Variants in KCNMB2 observed in about 807,000 individuals in gnomAD.
The protein encoded by KCNMB2 is calcium-activated potassium channel subunit beta-2.
In KCNMB2, 9 loss-of-function variants were observed where a neutral mutation model predicts 24.5. The ratio of observed to expected loss-of-function variants is 0.37; its 90% CI spans 0.22 to 0.64. The LOEUF (loss-of-function observed/expected upper bound fraction) is 0.64. Among genes scored for constraint, KCNMB2 ranks in the 30% least tolerant of loss-of-function variants. The pLI, the probability that KCNMB2 is intolerant of heterozygous loss-of-function variation, is 0.63. For missense variants in KCNMB2, 226 were observed against 284.3 expected, an observed-to-expected ratio of 0.79 and a Z score of 1.47; for synonymous variants, 109 against 104.4, an observed-to-expected ratio of 1.04 and a Z score of -0.27.
At chr3:178,561,480 C>T (rs1412757187) in intron 1 of KCNMB2, among the ~76,000 whole-genome samples, 4 of 152,116 alleles carry the variant, frequency 2.6e-5, no homozygotes, top group African/African-American at 7.2e-5. Context: ...AATGGCTCTA[C>T]GACTCTCAGT....
chr3:178,618,853 T>C (rs1352981534), intron 1 of KCNMB2, among the ~76,000 whole-genome samples: 1 of 152,248 alleles, frequency 6.6e-6, no homozygotes, highest in Non-Finnish European at 1.5e-5. Context: ...GTGTATGTTC[T>C]ATGTGCCAAG....
intron 1 of KCNMB2, among the ~76,000 whole-genome samples, chr3:178,589,161 GT>G (rs1717569480): frequency 6.6e-6 from 1 of 152,174 alleles, no homozygotes; most frequent in Non-Finnish European, 1.5e-5. Context: ...AATGTAATGG[GT>G]TTTTACCCCA....
rs764083965 is a variant in KCNMB2 at position 178,838,786 on chromosome 3, C to G, written c.424-3867C>G. Among the ~76,000 whole-genome samples the G allele has an allele frequency of 5.9e-4, 90 of 152,136 alleles. 1 individual carries two copies. The highest frequency in any genetic ancestry group is 3.3e-4 in the Admixed American group (5 of 15,262). On this transcript the variant is annotated intron_variant, in intron 4 of 4. Coordinates refer to ENST00000452583, the MANE Select transcript of KCNMB2 (RefSeq NM_181361.3). ...ACCCGCTTCCTTATCTGTGTCTCTG[C>G]ATATAGTCATGGAGGTTGTGCATTG...
chr3:178,595,874 C>A (rs544627887), intron 1 of KCNMB2, among the ~76,000 whole-genome samples: 34 of 152,180 alleles, frequency 2.2e-4, no homozygotes, highest in African/African-American at 7.9e-4. Context: ...AGATTGAAGA[C>A]TAAGGAAATA....
At position 178,842,640 on chromosome 3, in the gene KCNMB2, T is replaced by C. The variant is rs559517850; in HGVS notation, c.424-13T>C. ...TAGTATCTTCTAGTAACAGTTTATC[T>C]TATTCTCCACAGTGCTCCTATATAC... On this transcript the variant is annotated splice_polypyrimidine_tract_variant and intron_variant, in intron 4 of 4. Transcript: ENST00000452583. 1.3e-6 allele frequency: 2 copies of C among 1,563,306 alleles called. No homozygotes were observed. Among genetic ancestry groups the C allele is most frequent in the African/African-American group, 1.4e-5 (1 of 73,896 alleles).
chr3:178,698,338 T>C (rs910889502), intron 1 of KCNMB2, among the ~76,000 whole-genome samples: 4 of 134,624 alleles, frequency 3.0e-5, no homozygotes, highest in Admixed American at 7.1e-5. Flanking sequence ...CTTTTCTCTA[T>C]TCTTGTCTGC....
chr3:178,719,480 C>T (rs1722725186), intron 1 of KCNMB2, among the ~76,000 whole-genome samples: 1 of 152,172 alleles, frequency 6.6e-6, no homozygotes, highest in South Asian at 2.1e-4. Flanking sequence ...AGTGATTAAC[C>T]CTGTTATCAG....
chr3:178,741,805 G>A (rs1338469819), intron 1 of KCNMB2, among the ~76,000 whole-genome samples: 1 of 152,136 alleles, frequency 6.6e-6, no homozygotes, highest in African/African-American at 2.4e-5. Flanking sequence ...GGATGAACTT[G>A]CCCTTATGAA....
At chr3:178,800,631 A>G (rs2108447346) in intron 1 of KCNMB2, among the ~76,000 whole-genome samples, 1 of 152,256 alleles carries the variant, frequency 6.6e-6, no homozygotes, top group East Asian at 1.9e-4. Flanking sequence ...TTTCCTCAAA[A>G]AAATATAAAT....
At chr3:178,643,147 G>C (rs1346891645) in intron 1 of KCNMB2, among the ~76,000 whole-genome samples, 1 of 152,186 alleles carries the variant, frequency 6.6e-6, no homozygotes, top group African/African-American at 2.4e-5. Context: ...AATGAAAATA[G>C]CCAATCTCAA....
chr3:178,694,942 G>A (rs1210792625), intron 1 of KCNMB2, among the ~76,000 whole-genome samples: 2 of 152,252 alleles, frequency 1.3e-5, no homozygotes, highest in East Asian at 3.9e-4. Flanking sequence ...GGAACTCTGT[G>A]TGGTGGCTCC....
chr3:178,617,248 T>TA (rs1203461682), intron 1 of KCNMB2, among the ~76,000 whole-genome samples: 1 of 152,112 alleles, frequency 6.6e-6, no homozygotes, highest in East Asian at 1.9e-4. Context: ...TGTTACCATC[T>TA]AAAAAAATTA....
chr3:178,566,559 C>T (rs893464748), intron 1 of KCNMB2, among the ~76,000 whole-genome samples: 32 of 151,226 alleles, frequency 2.1e-4, no homozygotes, highest in African/African-American at 7.8e-4. Context: ...GTTAGTCTAC[C>T]TAGCCATTAC....
chr3:178,580,910 A>G (rs1717175719), intron 1 of KCNMB2, among the ~76,000 whole-genome samples: 1 of 152,238 alleles, frequency 6.6e-6, no homozygotes, highest in African/African-American at 2.4e-5. Context: ...CATGGATAGG[A>G]AGAATCAATA....
At position 178,756,083 on chromosome 3, in the gene KCNMB2, G is replaced by A. The variant is rs1160819425; in HGVS notation, c.-67-51260G>A. On this transcript the variant is annotated intron_variant, in intron 1 of 4. Coordinates refer to ENST00000452583, the MANE Select transcript of KCNMB2 (RefSeq NM_181361.3). ...CCATTAAAAATCATGTGACAAATCA[G>A]TTCAACTGGAAAGATGATCATAATG... Among the ~76,000 whole-genome samples the A allele has an allele frequency of 2.0e-5, 3 of 151,944 alleles. No homozygotes were observed. The East Asian group carries it at 5.8e-4, about 29-fold the overall frequency.
chr3:178,578,111 T>A (rs967520455), intron 1 of KCNMB2, among the ~76,000 whole-genome samples: 1 of 152,174 alleles, frequency 6.6e-6, no homozygotes, highest in Non-Finnish European at 1.5e-5. Flanking sequence ...GGAGAAAATG[T>A]TAAGGGCAGC....
intron 1 of KCNMB2, among the ~76,000 whole-genome samples, chr3:178,634,547 G>T (rs1440947548): frequency 6.6e-6 from 1 of 152,064 alleles, no homozygotes; most frequent in Non-Finnish European, 1.5e-5. Flanking sequence ...GAACAGCATG[G>T]AGGTAACCAC....
At chr3:178,649,478 C>A (rs1179825628) in intron 1 of KCNMB2, among the ~76,000 whole-genome samples, 3 of 147,542 alleles carry the variant, frequency 2.0e-5, no homozygotes, top group Non-Finnish European at 4.5e-5. Context: ...TAGAATTCGG[C>A]TGTGAACCTG....
At chr3:178,704,025 A>G (rs1559981832) in intron 1 of KCNMB2, among the ~76,000 whole-genome samples, 1 of 152,170 alleles carries the variant, frequency 6.6e-6, no homozygotes, top group Non-Finnish European at 1.5e-5. Flanking sequence ...TTGACATCAG[A>G]ACTTGGAGAA....
Sources: gnomAD v4.1 joint callset for allele counts (sites outside exome capture counted in the v4.1 genomes callset) on GRCh38, gnomAD v4.1.1 for gene constraint, MANE v1.5 for transcripts, NCBI Gene and HGNC (gene_info 2026-07-23, HGNC 2026-07-21) for gene names.